The following ZNF678 variants were observed in gnomAD, a reference collection of about 807,000 sequenced individuals.
The protein encoded by ZNF678 is zinc finger protein 678.
A neutral mutation model predicts 3.0 loss-of-function variants in ZNF678; 5 were observed. The ratio of observed to expected loss-of-function variants is 1.69; its 90% confidence interval spans 0.88 to 3.56. The LOEUF is 3.56. Among genes scored for constraint, ZNF678 ranks in the 30% most tolerant of loss-of-function variants. ZNF678 has a pLI of 0.00. For missense variants in ZNF678, 593 were observed against 605.0 expected (o/e 0.98, Z 0.21); for synonymous variants, 218 against 199.6 (o/e 1.09, Z -0.78).
chr1:227,622,152 A>G (rs529123991), intron 1 of ZNF678, among the ~76,000 whole-genome samples: 4 of 152,158 alleles, frequency 2.6e-5, no homozygotes, highest in Non-Finnish European at 4.4e-5. Flanking sequence ...AACATTTACC[A>G]TCTATTCTCT....
At chr1:227,576,058 A>AT (rs1656980516) in intron 1 of ZNF678, among the ~76,000 whole-genome samples, 1 of 152,088 alleles carries the variant, frequency 6.6e-6, no homozygotes, top group Non-Finnish European at 1.5e-5. Flanking sequence ...GTTGATTTCC[A>AT]TATGTTGAAC....
chr1:227,567,703 T>A (rs186979984), intron 1 of ZNF678, among the ~76,000 whole-genome samples: 3 of 152,070 alleles, frequency 2.0e-5, no homozygotes, highest in Non-Finnish European at 4.4e-5. Flanking sequence ...TTTGATTTTT[T>A]ATTTTTATTT....
intron 1 of ZNF678, among the ~76,000 whole-genome samples, 189 bp downstream of exon 1, chr1:227,563,913 G>C (rs916222438): frequency 6.6e-6 from 1 of 152,238 alleles, no homozygotes; most frequent in Non-Finnish European, 1.5e-5. Context: ...TCTCTGGGCG[G>C]CTATGAAGCC....
At chr1:227,576,206 T>C (rs1656983655) in intron 1 of ZNF678, among the ~76,000 whole-genome samples, 1 of 152,160 alleles carries the variant, frequency 6.6e-6, no homozygotes, top group Non-Finnish European at 1.5e-5. Flanking sequence ...CAGCCTGAAG[T>C]TTTCTTCTTT....
chr1:227,563,556 CT>C lies in ZNF678; in HGVS notation c.-329del. 1.5e-6 allele frequency: 1 copy of C among 666,126 alleles called. No homozygotes were observed. The highest frequency in any genetic ancestry group is 1.5e-5 in the South Asian group (1 of 68,276). 41.3% of individuals were successfully genotyped at this position (666,126 alleles called of 1,614,324 possible). A position where few individuals can be genotyped will look rare whatever the true frequency, so the allele number is the denominator to read the frequency against. On this transcript the variant is annotated 5_prime_UTR_variant, in exon 1 of 4. Coordinates refer to ENST00000343776, the MANE Select transcript of ZNF678 (RefSeq NM_001367909.1). ...GGGGGTTTCCGGGATCTGGCGGGGC[CT>C]TTGTCTTGTGCTCCAGCTGGAGCTT... is the stretch of plus-strand genomic sequence containing the variant.
intron 1 of ZNF678, among the ~76,000 whole-genome samples, chr1:227,616,773 G>T (rs1423324525): frequency 1.3e-5 from 2 of 152,174 alleles, no homozygotes. Flanking sequence ...ATATTATGCA[G>T]AAAAAATCTA....
intron 5 of ZNF678, among the ~76,000 whole-genome samples, chr1:227,671,908 T>C (rs1659606859): frequency 6.6e-6 from 1 of 151,062 alleles, no homozygotes; most frequent in African/African-American, 2.5e-5. Flanking sequence ...AAATAGGACA[T>C]GTGGTTCCAG....
intron 1 of ZNF678, among the ~76,000 whole-genome samples, chr1:227,615,530 G>C (rs898881143): frequency 1.3e-5 from 2 of 152,136 alleles, no homozygotes; most frequent in Non-Finnish European, 2.9e-5. Flanking sequence ...TGGTCCTCCT[G>C]TCCCACTCCA....
chr1:227,619,375 C>T (rs984063207), intron 1 of ZNF678, among the ~76,000 whole-genome samples: 7 of 152,098 alleles, frequency 4.6e-5, no homozygotes, highest in South Asian at 2.1e-4. Context: ...GGCAGTTGCT[C>T]GAAAGTATAG....
At chr1:227,651,155 T>G (rs896631109) in intron 3 of ZNF678, 79 bp downstream of exon 3, 1 of 1,499,026 alleles carries the variant, frequency 6.7e-7, no homozygotes, top group Non-Finnish European at 9.0e-7. Flanking sequence ...TATACCTGAG[T>G]CCTAAGGTTG....
chr1:227,677,444 T>G (rs1251544900), downstream of ZNF678: 3 of 152,258 alleles, frequency 2.0e-5, no homozygotes. Context: ...ATGGGTCACC[T>G]GAGGAACCCT....
downstream of ZNF678, among the ~76,000 whole-genome samples, chr1:227,663,927 G>A (rs978945697): frequency 6.6e-6 from 1 of 152,138 alleles, no homozygotes; most frequent in South Asian, 2.1e-4. Context: ...AGATATGCTC[G>A]GTGGCATGGT....
At chr1:227,674,845 C>A (rs1430590843) in intron 5 of ZNF678, among the ~76,000 whole-genome samples, 1 of 152,156 alleles carries the variant, frequency 6.6e-6, no homozygotes, top group Non-Finnish European at 1.5e-5. Flanking sequence ...CCCACCCCAG[C>A]CTCCCAAAGT....
intron 1 of ZNF678, among the ~76,000 whole-genome samples, chr1:227,634,953 A>G (rs966800760): frequency 1.3e-5 from 2 of 151,988 alleles, no homozygotes; most frequent in African/African-American, 4.8e-5. Flanking sequence ...ATCCACTGCA[A>G]TTCTAGTCAT....
intron 1 of ZNF678, among the ~76,000 whole-genome samples, chr1:227,564,435 CCTG>C (rs1025976272): frequency 3.9e-5 from 6 of 152,168 alleles, no homozygotes; most frequent in African/African-American, 1.2e-4. Context: ...AGTCTAATTG[CCTG>C]CTAATTATTT....
chr1:227,674,569 CAT>C (rs1203550169), intron 5 of ZNF678, among the ~76,000 whole-genome samples: 2 of 149,812 alleles, frequency 1.3e-5, no homozygotes, highest in African/African-American at 4.9e-5. Flanking sequence ...GAAAAAAAAT[CAT>C]AGTGATATTA....
chr1:227,651,604 C>T (rs1659094502), intron 3 of ZNF678, among the ~76,000 whole-genome samples: 1 of 152,162 alleles, frequency 6.6e-6, no homozygotes, highest in Non-Finnish European at 1.5e-5. Flanking sequence ...TTAAATGGGC[C>T]ATTTCCTCGT....
chr1:227,600,565 A>T (rs933785033), intron 1 of ZNF678, among the ~76,000 whole-genome samples: 5 of 152,184 alleles, frequency 3.3e-5, no homozygotes, highest in African/African-American at 1.2e-4. Context: ...TTTAAAAATG[A>T]TTGTTGGCTG....
intron 3 of ZNF678, 29 bp from the exon 4 acceptor site, chr1:227,654,307 G>A (rs767275379): frequency 2.0e-6 from 3 of 1,473,248 alleles, no homozygotes; most frequent in Admixed American, 2.5e-5. Flanking sequence ...TTAGTAAGAA[G>A]AATAACTTTT....
Sources: gnomAD v4.1 joint callset for allele counts (sites outside exome capture counted in the v4.1 genomes callset) on GRCh38, gnomAD v4.1.1 for gene constraint, MANE v1.5 for transcripts, NCBI Gene and HGNC (gene_info 2026-07-23, HGNC 2026-07-21) for gene names.